The following GPSM1 variants were observed in gnomAD, a reference collection of about 807,000 sequenced individuals.
GPSM1 encodes the protein G protein-signaling modulator 1.
Under a neutral mutation model 70.5 loss-of-function variants are expected in GPSM1, and 48 were observed. The ratio of observed to expected loss-of-function variants is 0.68; its 90% CI spans 0.54 to 0.87. GPSM1 has a LOEUF of 0.87. Among genes scored for constraint, GPSM1 ranks in the 40% least tolerant of loss-of-function variants. The pLI is 0.00. For synonymous variants in GPSM1, 416 were observed against 430.1 expected (o/e 0.97, Z 0.41); for missense variants, 981 against 972.6 (o/e 1.01, Z -0.11).
At chr9:136,332,054 G>A (rs886707286) in intron 1 of GPSM1, 14 of 398,838 alleles carry the variant, frequency 3.5e-5, no homozygotes, top group Middle Eastern at 1.2e-3. Flanking sequence ...TGAGCTTGGC[G>A]GAGAAGGCCG....
chr9:136,351,015 G>A (rs945018752), intron 11 of GPSM1, among the ~76,000 whole-genome samples: 17 of 152,324 alleles, frequency 1.1e-4, no homozygotes, highest in African/African-American at 1.2e-4. Flanking sequence ...GGCCGAGTCC[G>A]GGTTCGGAGG....
chr9:136,347,557 C>A (rs1435774512), intron 9 of GPSM1, among the ~76,000 whole-genome samples: 1 of 152,158 alleles, frequency 6.6e-6, no homozygotes, highest in East Asian at 1.9e-4. Flanking sequence ...CCGCCGTCGT[C>A]CCCTCTGCCT....
Position 136,355,839 on chromosome 9 carries a change from C to T in GPSM1, c.1605C>T (p.Asp535=), listed in dbSNP as rs540588335. 2 of 1,608,334 alleles carry T rather than the reference C, an allele frequency of 1.2e-6. No homozygotes were observed. Among genetic ancestry groups the T allele is most frequent in the African/African-American group, 1.3e-5 (1 of 74,848 alleles). ...AEATAAPTLE[D]RIAQPSMTAS... ...CCACGGCCGCCCCCACCCTGGAGGA[C>T]AGGATCGGTGAGTGCCCCCCTCAGC... Residue 535 remains aspartate, a synonymous_variant, in exon 12 of 14, where the codon GAC becomes GAT. Transcript: ENST00000440944.
rs782664238 is a variant in GPSM1, at chr9:136,336,922, T to C, written c.428T>C (p.Val143Ala). ...CCCAACCCTCCGTACTGCCCACAGG[T>C]TGGGGAGGCGAGGGCCCTCTACAAC... ...LSIAQEQGDK[V>A]GEARALYNIG... The change falls in exon 4 of 14, where the codon GTT becomes GCT. Residue 143 changes from valine (V) to alanine (A), a missense_variant and splice_region_variant. Physicochemically the swap from Val to Ala is moderately conservative, Grantham distance 64. Transcript: ENST00000440944. 3.9e-6 allele frequency: 6 copies of C among 1,553,746 alleles called. No homozygotes were observed. The highest frequency in any genetic ancestry group is 1.9e-5 in the Admixed American group (1 of 51,652).
chr9:136,348,311 G>T (rs1398211636), intron 9 of GPSM1, among the ~76,000 whole-genome samples: 1 of 152,196 alleles, frequency 6.6e-6, no homozygotes, highest in Non-Finnish European at 1.5e-5. Context: ...CAGGAGGGGG[G>T]ATTGGGTGGC....
At chr9:136,331,688 G>A (rs1379169258) in intron 1 of GPSM1, among the ~76,000 whole-genome samples, 1 of 152,222 alleles carries the variant, frequency 6.6e-6, no homozygotes, top group African/African-American at 2.4e-5. Context: ...CAGAGGAGTT[G>A]GCGGGTGACT....
At chr9:136,336,705 C>T (rs906143588) in intron 3 of GPSM1, among the ~76,000 whole-genome samples, 24 of 152,174 alleles carry the variant, frequency 1.6e-4, no homozygotes, top group Admixed American at 2.0e-4. Flanking sequence ...CACGCCAATC[C>T]GCAGAGGAGG....
chr9:136,349,925 G>C (rs1832618599), intron 11 of GPSM1, among the ~76,000 whole-genome samples, 162 bp downstream of exon 11: 1 of 152,222 alleles, frequency 6.6e-6, no homozygotes, highest in Non-Finnish European at 1.5e-5. Flanking sequence ...TGGGACCCCG[G>C]TGGGGGCTCT....
At chr9:136,350,157 C>T (rs1832625413) in intron 11 of GPSM1, among the ~76,000 whole-genome samples, 1 of 152,230 alleles carries the variant, frequency 6.6e-6, no homozygotes, top group African/African-American at 2.4e-5. Context: ...TGTTGGGACC[C>T]TCCAGACCCA....
intron 9 of GPSM1, among the ~76,000 whole-genome samples, chr9:136,348,155 CG>C (rs750120294): frequency 3.3e-5 from 5 of 152,186 alleles, no homozygotes; most frequent in Admixed American, 6.5e-5. Flanking sequence ...GACAGGAGCC[CG>C]GGGAAGGTCC....
intron 8 of GPSM1, 43 bp downstream of exon 8, chr9:136,339,858 C>A: frequency 8.1e-7 from 1 of 1,232,556 alleles, no homozygotes; most frequent in Non-Finnish European, 1.1e-6. Context: ...ACTGCCCAGC[C>A]CACTCCAGAC....
In GPSM1 at chr9:136,334,524, CCTT is replaced by C; in HGVS notation, c.150_152del (p.Phe51del). The stretch of plus-strand genomic sequence containing the variant: ...GCGGGCGACTTCAAGACAGGCGTGG[CCTT>C]CTTTGAGGCTGCTGTGCAGGTGGGC... On this transcript the variant is annotated inframe_deletion, in exon 2 of 14. Coordinates refer to ENST00000440944, the MANE Select transcript of GPSM1 (RefSeq NM_001145638.3). 1.2e-6 allele frequency: 2 copies of C among 1,613,326 alleles called. No homozygotes were observed. Among genetic ancestry groups the C allele is most frequent in the Non-Finnish European group, 1.7e-6 (2 of 1,179,934 alleles).
Position 136,342,664 on chromosome 9 carries a change from CTG to C in GPSM1, c.1207+1672_1207+1673del, listed in dbSNP as rs1264258409. 6.6e-6 allele frequency among the ~76,000 whole-genome samples: 1 copy of C among 152,168 alleles called. No individual in the cohort carries two copies. Among genetic ancestry groups the C allele is most frequent in the Admixed American group, 6.5e-5 (1 of 15,290 alleles). Reference sequence around the variant, plus strand: ...GGGACAGGGCCTTGAGGCCGGGAGTCTGGACCCGGCGTTGCGGGTTGGGGGCG... The same window carrying C: ...GGGACAGGGCCTTGAGGCCGGGAGTCGACCCGGCGTTGCGGGTTGGGGGCG... On this transcript the variant is annotated intron_variant, in intron 9 of 13. Coordinates refer to ENST00000440944, the MANE Select transcript of GPSM1 (RefSeq NM_001145638.3). The surrounding 1 kb of genome is among the most constrained non-coding windows in gnomAD (Gnocchi z 5.5).
chr9:136,351,908 T>A (rs1470232545), intron 11 of GPSM1, among the ~76,000 whole-genome samples: 1 of 152,180 alleles, frequency 6.6e-6, no homozygotes, highest in Admixed American at 6.5e-5. Context: ...GCAGCCTGTA[T>A]GGGGACTGCA....
Position 136,348,784 on chromosome 9 carries a change from G to C in GPSM1, c.1278+17G>C, listed in dbSNP as rs1380017172. 1 of 1,595,726 alleles carries C rather than the reference G, an allele frequency of 6.3e-7. No homozygotes were observed. The highest frequency in any genetic ancestry group is 8.6e-7 in the Non-Finnish European group (1 of 1,165,710). ...CTGGAGCGGGTGAGCCAGGGACACG[G>C]GACCGATGTCAGCACAGCCGCTGCC... On this transcript the variant is annotated intron_variant, in intron 10 of 13. Transcript: ENST00000440944.
chr9:136,349,913 C>G, intron 11 of GPSM1, 150 bp downstream of exon 11: 2 of 724,318 alleles, frequency 2.8e-6, no homozygotes, highest in Non-Finnish European at 4.4e-6. Context: ...GCAGTGCTGT[C>G]CTGGGACCCC....
Position 136,356,499 on chromosome 9 carries a change from C to G in GPSM1, c.1770C>G (p.Gly590=), listed in dbSNP as rs781858638. The part of the protein sequence containing the change: ...HSNAGHLRGH[G]EPQEPGDDFF... Reference sequence around the variant, plus strand: ...ATGCAGGGCACCTCCGAGGCCACGGCGAGCCCCAGGAGCCGGGGGACGACT... The same window carrying G: ...ATGCAGGGCACCTCCGAGGCCACGGGGAGCCCCAGGAGCCGGGGGACGACT... The change falls in exon 13 of 14, where the codon GGC becomes GGG. Residue 590 remains glycine, a synonymous_variant. Transcript: ENST00000440944. 2.5e-6 allele frequency: 4 copies of G among 1,611,680 alleles called. No homozygotes were observed. The highest frequency in any genetic ancestry group is 1.7e-5 in the Admixed American group (1 of 59,936).
rs782011131 is a variant in GPSM1 at position 136,349,739 on chromosome 9, C to T, written c.1431C>T (p.Asp477=). Residue 477 remains aspartate (D), a synonymous_variant, in exon 11 of 14, where the codon GAC becomes GAT. Coordinates refer to ENST00000440944, the MANE Select transcript of GPSM1 (RefSeq NM_001145638.3). The part of the protein sequence containing the change: ...EGSHSPLDSA[D]VRVHVPRTSI... The stretch of plus-strand genomic sequence containing the variant: ...GCCACTCCCCGCTGGACAGCGCCGA[C>T]GTCCGGGTGCACGTGCCACGCACGG... 3.4e-5 allele frequency: 54 copies of T among 1,580,296 alleles called. 1 individual carries two copies. Among genetic ancestry groups the T allele is most frequent in the Admixed American group, 7.3e-5 (4 of 54,892 alleles).
intron 12 of GPSM1, 124 bp downstream of exon 12, chr9:136,355,970 C>G: frequency 2.5e-6 from 2 of 799,914 alleles, no homozygotes; most frequent in East Asian, 2.7e-5. Context: ...GCAGAGCACC[C>G]TGTCACTGAG....
Sources: gnomAD v4.1 joint callset for allele counts (sites outside exome capture counted in the v4.1 genomes callset) on GRCh38, gnomAD v4.1.1 for gene constraint, Gnocchi (gnomAD v3.1) non-coding constraint, MANE v1.5 for transcripts, NCBI Gene and HGNC (gene_info 2026-07-23, HGNC 2026-07-21) for gene names.